TMEM132D: variants seen among roughly 807,000 people sequenced by gnomAD.
TMEM132D encodes transmembrane protein 132D.
TMEM132D carries 21 observed loss-of-function variants against 62.3 expected under a neutral mutation model. The ratio of observed to expected loss-of-function variants is 0.34; its 90% CI spans 0.24 to 0.49. TMEM132D has a LOEUF of 0.49. TMEM132D is among the 20% of genes least tolerant of loss of function. The probability of loss-of-function intolerance (pLI) is 0.99; values close to 1 mark genes in which losing one functional copy is unlikely to be tolerated. For synonymous variants in TMEM132D, 621 were observed against 575.6 expected (o/e 1.08, Z -1.13); for missense variants, 1,346 against 1,402.8 (o/e 0.96, Z 0.65).
At chr12:129,438,269 G>A (rs1872843300) in intron 3 of TMEM132D, among the ~76,000 whole-genome samples, 2 of 152,146 alleles carry the variant, frequency 1.3e-5, no homozygotes, top group African/African-American at 4.8e-5. Context: ...TAATGGGATT[G>A]TTGGGTGAAA....
intron 3 of TMEM132D, among the ~76,000 whole-genome samples, chr12:129,419,682 G>C (rs1242361865): frequency 6.6e-6 from 1 of 152,138 alleles, no homozygotes; most frequent in Non-Finnish European, 1.5e-5. Context: ...TTACAATGAA[G>C]AGAATACTAA....
At position 129,531,218 on chromosome 12, in the gene TMEM132D, G is replaced by C; in HGVS notation, c.969-13C>G. 1.2e-6 allele frequency: 2 copies of C among 1,600,834 alleles called. No homozygotes were observed. The highest frequency in any genetic ancestry group is 1.7e-6 in the Non-Finnish European group (2 of 1,172,396). ...CTTCACCTTTGCCCTGTTGGAGACA[G>C]CACGTGTGGGTCTGAGTCAGCTCTG... is the stretch of plus-strand genomic sequence containing the variant. On this transcript the variant is annotated splice_polypyrimidine_tract_variant and intron_variant, in intron 2 of 8. Transcript: ENST00000422113.
At chr12:129,648,868 T>C (rs1165482459) in intron 2 of TMEM132D, among the ~76,000 whole-genome samples, 3 of 152,216 alleles carry the variant, frequency 2.0e-5, no homozygotes, top group Admixed American at 2.0e-4. Context: ...TAAAAAAATA[T>C]ATATATAATT....
At chr12:129,276,234 T>G (rs1881004597) in intron 4 of TMEM132D, among the ~76,000 whole-genome samples, 1 of 152,220 alleles carries the variant, frequency 6.6e-6, no homozygotes, top group Non-Finnish European at 1.5e-5. Context: ...GTGGAATTTC[T>G]CTTCGTATTA....
chr12:129,091,706 A>C (rs112898073), intron 5 of TMEM132D, among the ~76,000 whole-genome samples: 9,076 of 152,226 alleles, frequency 0.06, 918 homozygotes, highest in African/African-American at 0.21. Context: ...CCTAAACTCA[A>C]ATAGGCTCTT....
chr12:129,191,206 G>A lies in TMEM132D; in HGVS notation c.1443+18314C>T, dbSNP rs145634163. Among the ~76,000 whole-genome samples, 647 of 151,854 alleles carry A rather than the reference G, an allele frequency of 4.3e-3. 7 individuals are homozygous for A. Among genetic ancestry groups the A allele is most frequent in the Middle Eastern group, 6.8e-3 (2 of 294 alleles). On this transcript the variant is annotated intron_variant, in intron 5 of 8. Transcript: ENST00000422113. ...CTACTCAAAGCCACCTTTTCAGTGAGGTACATATGTTTATAACATATGCTA... is the reference window on the plus strand; with the variant it reads ...CTACTCAAAGCCACCTTTTCAGTGAAGTACATATGTTTATAACATATGCTA...
rs111918310 is a variant in TMEM132D at position 129,094,925 on chromosome 12, C to G, written c.1444-10223G>C. Among the ~76,000 whole-genome samples, 3 of 150,444 alleles carry G rather than the reference C, an allele frequency of 2.0e-5. No individual in the cohort carries two copies. In the Admixed American group the frequency reaches 2.0e-4, roughly 10 times the overall value. ...GAAACCACCATTCTCAGCAAACTAT[C>G]GCAAGGACAAAAAACCAAACACCGC... On this transcript the variant is annotated intron_variant, in intron 5 of 8. Transcript: ENST00000422113.
intron 5 of TMEM132D, among the ~76,000 whole-genome samples, chr12:129,153,320 G>C (rs1877133459): frequency 6.6e-6 from 1 of 152,184 alleles, no homozygotes; most frequent in Admixed American, 6.5e-5. Context: ...CTCACCAAAT[G>C]CAGAATTTAA....
At chr12:129,318,193 A>G (rs904850653) in intron 4 of TMEM132D, among the ~76,000 whole-genome samples, 3 of 152,002 alleles carry the variant, frequency 2.0e-5, no homozygotes, top group Admixed American at 2.0e-4. Flanking sequence ...AACTAGCATG[A>G]TTTTCGAAGG....
chr12:129,517,563 G>A (rs991276677), intron 3 of TMEM132D, among the ~76,000 whole-genome samples: 2 of 152,188 alleles, frequency 1.3e-5, no homozygotes, highest in East Asian at 1.9e-4. Flanking sequence ...GGCAACTGCT[G>A]ACCCCTGAGT....
At chr12:129,639,794 G>A (rs1187254809) in intron 2 of TMEM132D, among the ~76,000 whole-genome samples, 2 of 152,246 alleles carry the variant, frequency 1.3e-5, no homozygotes, top group African/African-American at 4.8e-5. Context: ...CAAAAGTCTG[G>A]CTCGAACCTG....
chr12:129,192,323 A>C (rs1035859002), intron 5 of TMEM132D, among the ~76,000 whole-genome samples: 1 of 81,508 alleles, frequency 1.2e-5, no homozygotes, highest in African/African-American at 3.3e-5. Flanking sequence ...ATGACCTCCA[A>C]AGTAAGAAGT....
At chr12:129,437,027 CCTTTT>C (rs1872804995) in intron 3 of TMEM132D, among the ~76,000 whole-genome samples, 1 of 152,064 alleles carries the variant, frequency 6.6e-6, no homozygotes, top group Non-Finnish European at 1.5e-5. Context: ...GTTTCTTTTT[CCTTTT>C]CATCATAAAA....
intron 1 of TMEM132D, among the ~76,000 whole-genome samples, chr12:129,875,419 C>T (rs1476499686): frequency 6.6e-6 from 1 of 152,210 alleles, no homozygotes; most frequent in African/African-American, 2.4e-5. Context: ...AAGCCGAGAC[C>T]ATGGTGCCAG....
At chr12:129,728,289 T>G (rs1159164255) in intron 1 of TMEM132D, among the ~76,000 whole-genome samples, 1 of 152,244 alleles carries the variant, frequency 6.6e-6, no homozygotes, top group East Asian at 1.9e-4. Flanking sequence ...TGTATTTTAT[T>G]TAATGCCTTA....
At chr12:129,584,173 A>G (rs1327486097) in intron 2 of TMEM132D, among the ~76,000 whole-genome samples, 1 of 152,202 alleles carries the variant, frequency 6.6e-6, no homozygotes, top group Non-Finnish European at 1.5e-5. Context: ...AGGTGAAAAA[A>G]AAAATGAAGT....
At chr12:129,081,517 C>T (rs982787601) in intron 7 of TMEM132D, among the ~76,000 whole-genome samples, 14 of 152,200 alleles carry the variant, frequency 9.2e-5, no homozygotes, top group East Asian at 1.9e-4. Flanking sequence ...CCAGGCTAAT[C>T]GCAAACTACT....
At chr12:129,646,798 G>GC (rs1879791385) in intron 2 of TMEM132D, among the ~76,000 whole-genome samples, 1 of 107,984 alleles carries the variant, frequency 9.3e-6, no homozygotes, top group Non-Finnish European at 1.8e-5. Flanking sequence ...TAAATAACAT[G>GC]CATTTTTTTT....
At chr12:129,700,808 A>G (rs1378049704) in intron 1 of TMEM132D, 110 bp from the exon 2 acceptor site, 23 of 1,243,686 alleles carry the variant, frequency 1.8e-5, no homozygotes, top group Non-Finnish European at 2.3e-5. Context: ...CTTCGCGCCA[A>G]TTATGCAATT....
Sources: allele counts gnomAD v4.1 joint callset (sites outside exome capture counted in the v4.1 genomes callset), GRCh38; gene constraint gnomAD v4.1.1; transcripts MANE v1.5; gene names NCBI Gene and HGNC (gene_info 2026-07-23, HGNC 2026-07-21).